The following SLCO6A1 variants were observed in gnomAD, a reference collection of about 807,000 sequenced individuals.
SLCO6A1 encodes the protein cancer/testis antigen 48.
In SLCO6A1, 65 loss-of-function variants were observed where a neutral mutation model predicts 72.7. The observed-to-expected ratio is 0.89, with a 90% confidence interval of 0.73 to 1.10. The LOEUF is 1.10. Ranked by LOEUF, SLCO6A1 falls within the 50% of genes least tolerant of loss-of-function variation. SLCO6A1 has a pLI of 0.00. For missense variants in SLCO6A1, 874 were observed against 872.6 expected (o/e 1.00, Z -0.02); for synonymous variants, 314 against 298.2 (o/e 1.05, Z -0.55).
intron 4 of SLCO6A1, among the ~76,000 whole-genome samples, chr5:102,472,856 T>G (rs1258978220): frequency 6.6e-6 from 1 of 151,992 alleles, no homozygotes; most frequent in East Asian, 1.9e-4. Context: ...AATAATTATA[T>G]CCCAACAAAT....
chr5:102,409,356 A>C lies in SLCO6A1; in HGVS notation c.1626+3634T>G, dbSNP rs188144329. On this transcript the variant is annotated intron_variant, in intron 9 of 13. Coordinates refer to ENST00000506729, the MANE Select transcript of SLCO6A1 (RefSeq NM_173488.5). ...ATCATATTTTGAATAGTAACATTTA[A>C]TCAGAATTTTTTCATACTTGACATA... Among the ~76,000 whole-genome samples the C allele has an allele frequency of 8.5e-5, 13 of 152,288 alleles. No individual in the cohort carries two copies. The East Asian group carries it at 1.7e-3, about 20-fold the overall frequency.
intron 1 of SLCO6A1, among the ~76,000 whole-genome samples, chr5:102,490,675 T>C (rs1752632758): frequency 6.6e-6 from 1 of 152,190 alleles, no homozygotes; most frequent in Non-Finnish European, 1.5e-5. Flanking sequence ...GTGGTCTCCC[T>C]GGCTCAGGAG....
intron 12 of SLCO6A1, among the ~76,000 whole-genome samples, chr5:102,385,329 T>C (rs1746354790): frequency 6.6e-6 from 1 of 152,158 alleles, no homozygotes; most frequent in African/African-American, 2.4e-5. Context: ...TTCATGGATC[T>C]GGATATTCAT....
intron 1 of SLCO6A1, among the ~76,000 whole-genome samples, chr5:102,485,390 T>C: frequency 6.6e-6 from 1 of 152,182 alleles, no homozygotes; most frequent in East Asian, 1.9e-4. Flanking sequence ...ATAACAATGT[T>C]TTTATATGGC....
intron 4 of SLCO6A1, among the ~76,000 whole-genome samples, chr5:102,472,207 A>G (rs1751663478): frequency 3.3e-5 from 5 of 152,044 alleles, no homozygotes; most frequent in Admixed American, 3.3e-4. Context: ...GGCAAACAAA[A>G]TATATTCAGC....
chr5:102,430,097 C>T (rs1449770614), intron 7 of SLCO6A1, among the ~76,000 whole-genome samples: 1 of 152,096 alleles, frequency 6.6e-6, no homozygotes, highest in East Asian at 1.9e-4. Flanking sequence ...TAATTTGGCT[C>T]TCAGCTGGCT....
chr5:102,433,810 A>G (rs1027009155), intron 7 of SLCO6A1, among the ~76,000 whole-genome samples: 1 of 152,124 alleles, frequency 6.6e-6, no homozygotes, highest in African/African-American at 2.4e-5. Context: ...GCTGGCAGGT[A>G]CTGGGGTGCT....
At chr5:102,390,946 T>A (rs1231621954) in intron 11 of SLCO6A1, 35 bp downstream of exon 11, 9 of 1,585,198 alleles carry the variant, frequency 5.7e-6, no homozygotes, top group South Asian at 1.1e-5. Context: ...TCAAAAAACA[T>A]TTTGATGTAA....
chr5:102,456,925 C>G (rs1486732176), intron 6 of SLCO6A1, among the ~76,000 whole-genome samples: 1 of 152,088 alleles, frequency 6.6e-6, no homozygotes, highest in East Asian at 1.9e-4. Context: ...TGGAACAGAA[C>G]AGAGCCCTCA....
intron 4 of SLCO6A1, among the ~76,000 whole-genome samples, chr5:102,471,605 C>G (rs1031243863): frequency 1.3e-5 from 2 of 152,050 alleles, no homozygotes; most frequent in Non-Finnish European, 2.9e-5. Flanking sequence ...TTTCCTAAAG[C>G]CTTAATCCCA....
chr5:102,460,899 CATATATATATATATATATATAT>C (rs60973292), intron 4 of SLCO6A1, among the ~76,000 whole-genome samples: 92 of 130,282 alleles, frequency 7.1e-4, no homozygotes, highest in South Asian at 2.0e-3. Context: ...CCACTTATCT[CATATATATATATATATATATAT>C]ATATATATAT....
In SLCO6A1 at chr5:102,373,399, T is replaced by A. The variant is rs1750734696; in HGVS notation, c.2113A>T (p.Thr705Ser). The change falls in exon 13 of 14, where the codon ACT becomes TCT. Residue 705 changes from threonine to serine, a missense_variant. By Grantham distance (58) the Thr-to-Ser change is moderately conservative (BLOSUM62 1). Coordinates refer to ENST00000506729, the MANE Select transcript of SLCO6A1 (RefSeq NM_173488.5). ...LNENTDFPDV[T>S]VKNPKVKKKE... ...TTCTTAACTTTTGGATTCTTCACAGTTACATCTGGGAAGTCAGTGTTCTCA... is the reference window on the plus strand; with the variant it reads ...TTCTTAACTTTTGGATTCTTCACAGATACATCTGGGAAGTCAGTGTTCTCA... 1 of 1,583,000 alleles carries A rather than the reference T, an allele frequency of 6.3e-7. No individual in the cohort carries two copies. Among genetic ancestry groups the A allele is most frequent in the Non-Finnish European group, 8.6e-7 (1 of 1,167,316 alleles).
intron 6 of SLCO6A1, among the ~76,000 whole-genome samples, chr5:102,440,100 G>T (rs1229979996): frequency 1.3e-5 from 2 of 152,124 alleles, no homozygotes; most frequent in Non-Finnish European, 2.9e-5. Context: ...TTGTAAAAAA[G>T]CCCAAGAGAG....
rs184103288 is a variant in SLCO6A1 at position 102,478,822 on chromosome 5, A to C, written c.617-961T>G. Among the ~76,000 whole-genome samples, 19 of 152,310 alleles carry C rather than the reference A, an allele frequency of 1.2e-4. No homozygotes were observed. The East Asian group carries it at 3.3e-3, about 26-fold the overall frequency. On this transcript the variant is annotated intron_variant, in intron 2 of 13. Coordinates refer to ENST00000506729, the MANE Select transcript of SLCO6A1 (RefSeq NM_173488.5). ...AAGTGCAGATTGCAATACAGTATAC[A>C]AATGAAAATTTTCATCTGGTTTAGT...
At chr5:102,398,513 C>A (rs1465803191) in intron 10 of SLCO6A1, among the ~76,000 whole-genome samples, 2 of 152,108 alleles carry the variant, frequency 1.3e-5, no homozygotes, top group Non-Finnish European at 2.9e-5. Flanking sequence ...CCGTTTTCTC[C>A]AGGTTTTCCC....
chr5:102,456,331 T>C (rs1213300685), intron 6 of SLCO6A1, among the ~76,000 whole-genome samples: 1 of 152,162 alleles, frequency 6.6e-6, no homozygotes, highest in Non-Finnish European at 1.5e-5. Context: ...TGTTTGCAGA[T>C]GACATGATTG....
At chr5:102,475,070 C>G (rs942542739) in intron 4 of SLCO6A1, among the ~76,000 whole-genome samples, 10 of 151,908 alleles carry the variant, frequency 6.6e-5, no homozygotes, top group African/African-American at 1.9e-4. Context: ...TATGATCTAG[C>G]AATCCAATTT....
At chr5:102,472,439 T>C (rs1035227499) in intron 4 of SLCO6A1, among the ~76,000 whole-genome samples, 1 of 152,072 alleles carries the variant, frequency 6.6e-6, no homozygotes, top group African/African-American at 2.4e-5. Flanking sequence ...ATTTCAGAAA[T>C]GGAAGGTACA....
At chr5:102,456,864 T>G (rs796388603) in intron 6 of SLCO6A1, among the ~76,000 whole-genome samples, 2 of 152,184 alleles carry the variant, frequency 1.3e-5, no homozygotes, top group South Asian at 4.1e-4. Context: ...ACTACAAGGC[T>G]ACAGTACCAA....
Sources: gnomAD v4.1 joint callset for allele counts (sites outside exome capture counted in the v4.1 genomes callset) on GRCh38, gnomAD v4.1.1 for gene constraint, MANE v1.5 for transcripts, NCBI Gene and HGNC (gene_info 2026-07-23, HGNC 2026-07-21) for gene names.